CNBD1: variants seen among roughly 807,000 people sequenced by gnomAD.
The protein encoded by CNBD1 is cyclic nucleotide-binding domain-containing protein 1.
A neutral mutation model predicts 54.4 loss-of-function variants in CNBD1; 71 were observed. The ratio of observed to expected loss-of-function variants is 1.30; its 90% CI spans 1.08 to 1.59. The LOEUF (loss-of-function observed/expected upper bound fraction) is 1.59. Ranked by LOEUF, CNBD1 falls within the 40% of genes most tolerant of loss-of-function variation. CNBD1 has a pLI of 0.00. For missense variants in CNBD1, 659 were observed against 518.0 expected, an observed-to-expected ratio of 1.27 and a Z score of -2.64; for synonymous variants, 182 against 170.7, an observed-to-expected ratio of 1.07 and a Z score of -0.51.
At chr8:86,909,560 G>T (rs1348906192) in intron 3 of CNBD1, among the ~76,000 whole-genome samples, 1 of 151,896 alleles carries the variant, frequency 6.6e-6, no homozygotes, top group Non-Finnish European at 1.5e-5. Context: ...CAGTTCTAGG[G>T]TACATGTGCA....
chr8:87,421,650 A>C lies in CNBD1; in HGVS notation c.214-6896A>C, dbSNP rs985264726. Among the ~76,000 whole-genome samples the C allele has an allele frequency of 1.3e-4, 19 of 151,934 alleles. No individual in the cohort carries two copies. In the East Asian group the frequency reaches 2.5e-3, roughly 20 times the overall value. Reference sequence around the variant, plus strand: ...TAGTATTCCACGGTGTATATGTGCCACATTTTCTTAATCCAGTCTATCATT... The same window carrying C: ...TAGTATTCCACGGTGTATATGTGCCCCATTTTCTTAATCCAGTCTATCATT... On this transcript the variant is annotated intron_variant, in intron 2 of 7. Coordinates refer to the CNBD1 transcript ENST00000521593.
Position 87,138,547 on chromosome 8 carries a change from G to C in CNBD1, c.432-67446G>C, listed in dbSNP as rs929171053. ...AACGCAGTGGTCTTTATCTGCTCCT[G>C]CTGTTTAGTGGAAATAGTGTTTTCT... On this transcript the variant is annotated intron_variant, in intron 4 of 10. Transcript: ENST00000518476. 2.6e-5 allele frequency among the ~76,000 whole-genome samples: 4 copies of C among 152,296 alleles called. No individual in the cohort carries two copies. In the East Asian group the frequency reaches 7.7e-4, roughly 29 times the overall value.
At chr8:86,869,186 G>C (rs1028936086) in intron 1 of CNBD1, among the ~76,000 whole-genome samples, 3 of 152,058 alleles carry the variant, frequency 2.0e-5, no homozygotes, top group African/African-American at 7.2e-5. Flanking sequence ...ATTTTTTTAA[G>C]CCACTAAGGC....
At chr8:87,373,285 G>C (rs568347329) in intron 10 of CNBD1, among the ~76,000 whole-genome samples, 1 of 151,604 alleles carries the variant, frequency 6.6e-6, no homozygotes, top group Non-Finnish European at 1.5e-5. Context: ...CTAATATAGC[G>C]GTATTAGTTT....
chr8:86,887,443 T>G lies in CNBD1; in HGVS notation c.89-99T>G, dbSNP rs1240956730. 6.2e-5 allele frequency: 45 copies of G among 728,644 alleles called. No individual in the cohort carries two copies. The East Asian group carries it at 7.1e-4, about 12-fold the overall frequency. 45.1% of individuals were successfully genotyped at this position (728,644 alleles called of 1,614,324 possible). A position where few individuals can be genotyped will look rare whatever the true frequency, so the allele number is the denominator to read the frequency against. On this transcript the variant is annotated intron_variant, in intron 1 of 10. Coordinates refer to ENST00000518476, the MANE Select transcript of CNBD1 (RefSeq NM_173538.3). ...TACCTCACTTCCATAGTCACTGAATTCTTTCACTATGATGAATGTTTGCAA... is the reference window on the plus strand; with the variant it reads ...TACCTCACTTCCATAGTCACTGAATGCTTTCACTATGATGAATGTTTGCAA...
chr8:87,093,263 G>C (rs1811253995), intron 4 of CNBD1, among the ~76,000 whole-genome samples: 1 of 152,132 alleles, frequency 6.6e-6, no homozygotes, highest in African/African-American at 2.4e-5. Flanking sequence ...CCTTTGTGCG[G>C]CAACGGACAG....
chr8:86,893,027 G>A (rs1175298024), intron 2 of CNBD1, among the ~76,000 whole-genome samples: 1 of 152,102 alleles, frequency 6.6e-6, no homozygotes. Flanking sequence ...TCTGAGCTTC[G>A]AGCCATTAAA....
At chr8:87,341,712 G>C (rs1298897367) in intron 8 of CNBD1, among the ~76,000 whole-genome samples, 1 of 152,232 alleles carries the variant, frequency 6.6e-6, no homozygotes, top group Non-Finnish European at 1.5e-5. Flanking sequence ...GTGAAGAAAA[G>C]TGTTTCCTGT....
chr8:87,102,717 C>T (rs1286444018), intron 4 of CNBD1, among the ~76,000 whole-genome samples: 3 of 152,070 alleles, frequency 2.0e-5, no homozygotes, highest in East Asian at 1.9e-4. Flanking sequence ...GGGTTCACGC[C>T]GTTCTCTTGC....
At chr8:87,075,052 T>G (rs1810839729) in intron 4 of CNBD1, among the ~76,000 whole-genome samples, 1 of 152,242 alleles carries the variant, frequency 6.6e-6, no homozygotes, top group African/African-American at 2.4e-5. Flanking sequence ...GTAGTACTAC[T>G]TATCTCTTAG....
chr8:87,340,639 T>C (rs1473408747), intron 8 of CNBD1, among the ~76,000 whole-genome samples: 2 of 152,268 alleles, frequency 1.3e-5, no homozygotes, highest in Admixed American at 6.5e-5. Context: ...ATTAAGCTTT[T>C]CTGTCAGGAA....
rs1811105422 is a variant in CNBD1 at position 87,382,696 on chromosome 8, G to A, written c.*69G>A. On this transcript the variant is annotated 3_prime_UTR_variant, in exon 11 of 11. Coordinates refer to ENST00000518476, the MANE Select transcript of CNBD1 (RefSeq NM_173538.3). ...CTAAATAATGGAATAATTGCATTCT[G>A]GAATACTATCAAACTACCAGCAATG... 4.3e-6 allele frequency: 5 copies of A among 1,166,684 alleles called. No homozygotes were observed. Among genetic ancestry groups the A allele is most frequent in the Non-Finnish European group, 6.2e-6 (5 of 812,742 alleles). 72.3% of individuals were successfully genotyped at this position (1,166,684 alleles called of 1,614,324 possible). A position where few individuals can be genotyped will look rare whatever the true frequency, so the allele number is the denominator to read the frequency against.
intron 4 of CNBD1, among the ~76,000 whole-genome samples, chr8:87,058,230 C>T (rs1048116882): frequency 3.9e-5 from 6 of 152,202 alleles, no homozygotes; most frequent in African/African-American, 9.7e-5. Flanking sequence ...CCCAAAGCCT[C>T]GGGCAGCTCC....
At chr8:87,030,379 G>T (rs527686620) in intron 4 of CNBD1, among the ~76,000 whole-genome samples, 2 of 152,160 alleles carry the variant, frequency 1.3e-5, no homozygotes, top group African/African-American at 4.8e-5. Flanking sequence ...GAATTCTTAT[G>T]AACTACTCAG....
intron 2 of CNBD1, among the ~76,000 whole-genome samples, chr8:87,420,811 G>C (rs1469400418): frequency 6.9e-6 from 1 of 144,118 alleles, no homozygotes; most frequent in Non-Finnish European, 1.5e-5. Flanking sequence ...ATATTTATTT[G>C]AAAATTAACC....
intron 4 of CNBD1, among the ~76,000 whole-genome samples, chr8:87,142,050 G>A (rs1386854061): frequency 6.6e-6 from 1 of 152,132 alleles, no homozygotes; most frequent in African/African-American, 2.4e-5. Context: ...TACGACACTA[G>A]TCTTTCACTT....
At chr8:86,872,198 A>G (rs561379524) in intron 1 of CNBD1, among the ~76,000 whole-genome samples, 1 of 152,186 alleles carries the variant, frequency 6.6e-6, no homozygotes, top group South Asian at 2.1e-4. Flanking sequence ...CACCATCATA[A>G]TCTTCACCAT....
At chr8:87,399,742 C>A (rs1807514899) in intron 2 of CNBD1, among the ~76,000 whole-genome samples, 1 of 151,930 alleles carries the variant, frequency 6.6e-6, no homozygotes, top group Non-Finnish European at 1.5e-5. Context: ...ATTATGGGAT[C>A]TGGAGCAGCT....
intron 6 of CNBD1, among the ~76,000 whole-genome samples, chr8:87,240,816 T>C (rs1174817334): frequency 6.6e-6 from 1 of 152,020 alleles, no homozygotes; most frequent in Non-Finnish European, 1.5e-5. Flanking sequence ...CTGGAGCTGG[T>C]GTTGCCTCCT....
Sources: gnomAD v4.1 joint callset for allele counts (sites outside exome capture counted in the v4.1 genomes callset) on GRCh38, gnomAD v4.1.1 for gene constraint, MANE v1.5 for transcripts, NCBI Gene and HGNC (gene_info 2026-07-23, HGNC 2026-07-21) for gene names.